Variants in GRIN2B observed in about 807,000 individuals in gnomAD.
GRIN2B encodes glutamate receptor ionotropic, NMDA 2B.
Under a neutral mutation model 114.5 loss-of-function variants are expected in GRIN2B, and 5 were observed. That is an observed-to-expected ratio of 0.04 (90% CI 0.02 to 0.09). The LOEUF (loss-of-function observed/expected upper bound fraction) is 0.09. GRIN2B is among the 10% of genes least tolerant of loss of function. The pLI is 1.00. For missense variants in GRIN2B, 1,108 were observed against 1,943.5 expected (o/e 0.57, Z 8.08); for synonymous variants, 787 against 745.1 (o/e 1.06, Z -0.92).
intron 5 of GRIN2B, among the ~76,000 whole-genome samples, chr12:13,671,622 G>A (rs1393318681): frequency 2.6e-5 from 4 of 152,142 alleles, no homozygotes; most frequent in Non-Finnish European, 5.9e-5. Context: ...CCTGGCACTG[G>A]GGTGCTCACT....
intron 10 of GRIN2B, among the ~76,000 whole-genome samples, chr12:13,599,053 T>C (rs1254768628): frequency 2.6e-5 from 4 of 152,222 alleles, no homozygotes; most frequent in Non-Finnish European, 4.4e-5. Context: ...CATGTTGGCC[T>C]GAAGCCAATG....
At chr12:13,654,539 A>G (rs1486928073) in intron 5 of GRIN2B, among the ~76,000 whole-genome samples, 2 of 152,152 alleles carry the variant, frequency 1.3e-5, no homozygotes, top group African/African-American at 2.4e-5. Flanking sequence ...TGCCAATGCA[A>G]TGATATACAG....
intron 2 of GRIN2B, among the ~76,000 whole-genome samples, chr12:13,917,100 T>C (rs1415173761): frequency 6.6e-6 from 1 of 152,084 alleles, no homozygotes; most frequent in Non-Finnish European, 1.5e-5. Flanking sequence ...CATTTTTATT[T>C]TCAAGCCTGT....
At chr12:13,629,950 T>C (rs11055553) in intron 5 of GRIN2B, among the ~76,000 whole-genome samples, 11,175 of 152,242 alleles carry the variant, frequency 0.073, 598 homozygotes, top group South Asian at 0.14. Context: ...ATCCTTCCTT[T>C]GTACTGCCAA....
At chr12:13,856,330 G>A (rs1056767864) in intron 3 of GRIN2B, among the ~76,000 whole-genome samples, 3 of 152,138 alleles carry the variant, frequency 2.0e-5, no homozygotes, top group Admixed American at 6.5e-5. Flanking sequence ...TAAAGAGGAC[G>A]CTTCATTCTA....
intron 2 of GRIN2B, among the ~76,000 whole-genome samples, chr12:13,971,426 C>G (rs966864336): frequency 6.6e-6 from 1 of 152,086 alleles, no homozygotes; most frequent in Non-Finnish European, 1.5e-5. Flanking sequence ...ATTAACCCAG[C>G]CAGCCTAATA....
intron 3 of GRIN2B, among the ~76,000 whole-genome samples, chr12:13,850,305 C>T (rs1361213405): frequency 6.6e-6 from 1 of 152,110 alleles, no homozygotes; most frequent in East Asian, 1.9e-4. Flanking sequence ...TTTATTTTCT[C>T]CTCACACACA....
chr12:13,902,278 C>T (rs777138879), intron 2 of GRIN2B, among the ~76,000 whole-genome samples: 5 of 152,046 alleles, frequency 3.3e-5, no homozygotes, highest in African/African-American at 4.8e-5. Context: ...GAAAAAAAAT[C>T]TGCCGCATAT....
chr12:13,548,752 G>C lies in GRIN2B; in HGVS notation c.*14031C>G, dbSNP rs1948376398. The C allele has an allele frequency of 6.6e-6, 1 of 151,578 alleles. No individual in the cohort carries two copies. The highest frequency in any genetic ancestry group is 1.5e-5 in the Non-Finnish European group (1 of 67,912). The allele number at this position is 151,578 out of a possible 1,614,324, so 9.4% of individuals were successfully genotyped here. On this transcript the variant is annotated 3_prime_UTR_variant, in exon 14 of 14. Coordinates refer to ENST00000609686, the MANE Select transcript of GRIN2B (RefSeq NM_000834.5). ...AAAGGACAAGGGAAAAATGAGATTT[G>C]TAATAGGCTTGATTTTTTTTAGATT...
chr12:13,868,950 T>C (rs1249250606), intron 2 of GRIN2B, among the ~76,000 whole-genome samples: 1 of 152,180 alleles, frequency 6.6e-6, no homozygotes, highest in African/African-American at 2.4e-5. Flanking sequence ...AAGCATGTAG[T>C]CCAAGATAAG....
intron 4 of GRIN2B, among the ~76,000 whole-genome samples, chr12:13,716,733 A>G (rs968621574): frequency 1.3e-5 from 2 of 151,972 alleles, no homozygotes; most frequent in Admixed American, 6.6e-5. Flanking sequence ...ATCTTTAGGA[A>G]AACACAAAAT....
At chr12:13,725,589 C>T (rs916828760) in intron 4 of GRIN2B, among the ~76,000 whole-genome samples, 7 of 152,002 alleles carry the variant, frequency 4.6e-5, no homozygotes, top group East Asian at 3.9e-4. Context: ...CCAAGCAGAT[C>T]GGATACACAG....
intron 3 of GRIN2B, among the ~76,000 whole-genome samples, chr12:13,813,170 T>A (rs1864764967): frequency 6.6e-6 from 1 of 151,914 alleles, no homozygotes; most frequent in African/African-American, 2.4e-5. Context: ...GAACTCCTGA[T>A]GTGATCCACC....
intron 2 of GRIN2B, chr12:13,977,288 G>A (rs889835096): frequency 6.6e-6 from 1 of 152,080 alleles, no homozygotes; most frequent in Non-Finnish European, 1.5e-5. Context: ...TGGAACCAAC[G>A]GGAGAGGAAA....
In GRIN2B at chr12:13,898,232, T is replaced by G. The variant is rs896472884; in HGVS notation, c.-18-32006A>C. ...CACTGATCTGGAGGGGTTTTCCGAG[T>G]CATTATTTCTATCTAGCTTCTTATA... On this transcript the variant is annotated intron_variant, in intron 2 of 13. Transcript: ENST00000609686. Among the ~76,000 whole-genome samples the G allele has an allele frequency of 8.5e-5, 13 of 152,258 alleles. No homozygotes were observed. The South Asian group carries it at 2.5e-3, about 29-fold the overall frequency.
At chr12:13,669,607 G>A (rs116718071) in intron 5 of GRIN2B, among the ~76,000 whole-genome samples, 345 of 152,224 alleles carry the variant, frequency 2.3e-3, no homozygotes, top group African/African-American at 7.8e-3. Context: ...GTGGAACAAA[G>A]TCTGTCCAGC....
At position 13,972,809 on chromosome 12, in the gene GRIN2B, T is replaced by G. The variant is rs149483287; in HGVS notation, c.-19+7119A>C. Among the ~76,000 whole-genome samples, 604 of 152,340 alleles carry G rather than the reference T, an allele frequency of 4.0e-3. 7 individuals are homozygous for G. Among genetic ancestry groups the G allele is most frequent in the African/African-American group, 0.013 (560 of 41,582 alleles). On this transcript the variant is annotated intron_variant, in intron 2 of 13. Coordinates refer to ENST00000609686, the MANE Select transcript of GRIN2B (RefSeq NM_000834.5). ...TCCTGTGCCACACACAGAGACCACATGCATTATTGTCCCTAAATTGCACAC... is the reference window on the plus strand; with the variant it reads ...TCCTGTGCCACACACAGAGACCACAGGCATTATTGTCCCTAAATTGCACAC...
intron 2 of GRIN2B, among the ~76,000 whole-genome samples, chr12:13,908,021 G>A (rs1866571946): frequency 6.6e-6 from 1 of 151,906 alleles, no homozygotes; most frequent in Admixed American, 6.6e-5. Flanking sequence ...CAACTTTTCA[G>A]CAGGGCAGAA....
intron 10 of GRIN2B, among the ~76,000 whole-genome samples, chr12:13,590,189 AG>A (rs1948987174): frequency 6.6e-6 from 1 of 152,054 alleles, no homozygotes; most frequent in Non-Finnish European, 1.5e-5. Context: ...CCATGCAAGC[AG>A]GGAAGGCCTT....
Sources: allele counts gnomAD v4.1 joint callset (sites outside exome capture counted in the v4.1 genomes callset), GRCh38; gene constraint gnomAD v4.1.1; transcripts MANE v1.5; gene names NCBI Gene and HGNC (gene_info 2026-07-23, HGNC 2026-07-21).